ARHGAP15: variants seen among roughly 807,000 people sequenced by gnomAD.
ARHGAP15 encodes rho GTPase-activating protein 15.
ARHGAP15 carries 51 observed loss-of-function variants against 63.7 expected under a neutral mutation model. The observed-to-expected ratio is 0.80, with a 90% CI of 0.64 to 1.01. ARHGAP15 has a LOEUF of 1.01. Ranked by LOEUF, ARHGAP15 falls within the 50% of genes least tolerant of loss-of-function variation. The pLI is 0.00. For synonymous variants in ARHGAP15, 191 were observed against 193.8 expected, an observed-to-expected ratio of 0.99 and a Z score of 0.12; for missense variants, 560 against 564.6, an observed-to-expected ratio of 0.99 and a Z score of 0.08.
At chr2:143,514,517 A>T (rs1693721445) in intron 9 of ARHGAP15, among the ~76,000 whole-genome samples, 1 of 152,188 alleles carries the variant, frequency 6.6e-6, no homozygotes, top group South Asian at 2.1e-4. Flanking sequence ...TTTAGTTTCC[A>T]TGTCCTGCCA....
In ARHGAP15 at chr2:143,172,375, T is replaced by C. The variant is rs1042466178; in HGVS notation, c.165+16720T>C. Reference sequence around the variant, plus strand: ...CTACAAGGAGTTTAGATTTTATTATTTGATGCACAATCAGAGGCCACGAAA... The same window carrying C: ...CTACAAGGAGTTTAGATTTTATTATCTGATGCACAATCAGAGGCCACGAAA... On this transcript the variant is annotated intron_variant, in intron 2 of 13. Transcript: ENST00000295095. Among the ~76,000 whole-genome samples, 27 of 152,142 alleles carry C rather than the reference T, an allele frequency of 1.8e-4. 1 individual carries two copies. The highest frequency in any genetic ancestry group is 1.6e-3 in the Admixed American group (25 of 15,248).
intron 1 of ARHGAP15, among the ~76,000 whole-genome samples, chr2:143,147,618 T>C (rs954924457): frequency 2.0e-5 from 3 of 152,042 alleles, no homozygotes; most frequent in African/African-American, 7.2e-5. Flanking sequence ...CTTAACTTTA[T>C]TTTCCTTATG....
At chr2:143,682,694 A>C (rs914886565) in intron 12 of ARHGAP15, 14 of 152,188 alleles carry the variant, frequency 9.2e-5, no homozygotes, top group Admixed American at 7.2e-4. Context: ...CTACATGAAT[A>C]ATCCTTCAAT....
intron 12 of ARHGAP15, among the ~76,000 whole-genome samples, chr2:143,689,151 C>G (rs1447239764): frequency 6.6e-6 from 1 of 152,138 alleles, no homozygotes; most frequent in Non-Finnish European, 1.5e-5. Context: ...GAAAACTTCT[C>G]TGGTTTGTCA....
At chr2:143,305,797 AG>A (rs1683141024) in intron 6 of ARHGAP15, among the ~76,000 whole-genome samples, 1 of 152,118 alleles carries the variant, frequency 6.6e-6, no homozygotes, top group Non-Finnish European at 1.5e-5. Flanking sequence ...TCGGTGCTTT[AG>A]GAAAACTGGT....
chr2:143,457,466 T>G (rs1284702529), intron 8 of ARHGAP15, among the ~76,000 whole-genome samples: 3 of 151,794 alleles, frequency 2.0e-5, no homozygotes, highest in African/African-American at 7.3e-5. Context: ...CCCAGGAGTT[T>G]GAGGTTACAG....
chr2:143,574,627 G>A (rs1255745609), intron 11 of ARHGAP15, among the ~76,000 whole-genome samples: 1 of 152,094 alleles, frequency 6.6e-6, no homozygotes, highest in African/African-American at 2.4e-5. Context: ...TGGTTATGAC[G>A]AGCAGGGAGT....
intron 6 of ARHGAP15, among the ~76,000 whole-genome samples, chr2:143,303,933 T>C (rs1018797109): frequency 5.9e-5 from 9 of 152,070 alleles, no homozygotes; most frequent in Non-Finnish European, 1.3e-4. Flanking sequence ...AGAATGGTGA[T>C]CATTAAAAAG....
At chr2:143,619,653 A>T (rs180695059) in intron 11 of ARHGAP15, among the ~76,000 whole-genome samples, 5 of 152,272 alleles carry the variant, frequency 3.3e-5, no homozygotes, top group African/African-American at 9.6e-5. Flanking sequence ...GTAATCCCCA[A>T]TGTTGGGGGA....
In ARHGAP15 at chr2:143,155,800, T is replaced by C. The variant is rs1690054251; in HGVS notation, c.165+145T>C. ...TTGTAATGCATTTTATCTTGCATAC[T>C]TACAGTCATGATAATATCCCCAGTT... On this transcript the variant is annotated intron_variant, in intron 2 of 13. Coordinates refer to ENST00000295095, the MANE Select transcript of ARHGAP15 (RefSeq NM_018460.4). The C allele has an allele frequency of 1.4e-5, 11 of 784,738 alleles. 1 individual carries two copies. Among genetic ancestry groups the C allele is most frequent in the Non-Finnish European group, 7.8e-6 (4 of 511,490 alleles). 48.6% of individuals were successfully genotyped at this position (784,738 alleles called of 1,614,324 possible).
chr2:143,736,395 A>C (rs1482287940), intron 13 of ARHGAP15, among the ~76,000 whole-genome samples: 1 of 132,758 alleles, frequency 7.5e-6, no homozygotes, highest in African/African-American at 2.7e-5. Context: ...AAACTCTGTC[A>C]AAAAAAAAAA....
At chr2:143,289,469 G>A (rs1682280094) in intron 6 of ARHGAP15, among the ~76,000 whole-genome samples, 1 of 152,168 alleles carries the variant, frequency 6.6e-6, no homozygotes, top group South Asian at 2.1e-4. Flanking sequence ...TCCCTCATGT[G>A]AGTATTAAGT....
chr2:143,351,045 G>A (rs1685547050), intron 6 of ARHGAP15: 1 of 151,988 alleles, frequency 6.6e-6, no homozygotes, highest in South Asian at 2.1e-4. Context: ...AGGTCTTTAT[G>A]AGAGAAAACT....
chr2:143,405,481 C>T (rs1231696740), intron 6 of ARHGAP15, among the ~76,000 whole-genome samples: 1 of 151,768 alleles, frequency 6.6e-6, no homozygotes, highest in Non-Finnish European at 1.5e-5. Flanking sequence ...TTGTGCTCCC[C>T]TTTTCACATT....
At chr2:143,331,435 C>T (rs1684542643) in intron 6 of ARHGAP15, among the ~76,000 whole-genome samples, 1 of 152,088 alleles carries the variant, frequency 6.6e-6, no homozygotes, top group Non-Finnish European at 1.5e-5. Flanking sequence ...ACTAGACTGT[C>T]CACTTTTCAG....
At chr2:143,581,023 A>G (rs1394736702) in intron 11 of ARHGAP15, among the ~76,000 whole-genome samples, 1 of 152,158 alleles carries the variant, frequency 6.6e-6, no homozygotes, top group African/African-American at 2.4e-5. Context: ...CCCACTTAGC[A>G]GGTTCTATTT....
intron 10 of ARHGAP15, among the ~76,000 whole-genome samples, chr2:143,528,620 T>C (rs1003197438): frequency 2.0e-5 from 3 of 152,132 alleles, no homozygotes; most frequent in African/African-American, 7.2e-5. Flanking sequence ...TATCAAAAGC[T>C]CTGTAAAGAC....
chr2:143,453,028 A>T (rs557416815), intron 8 of ARHGAP15, among the ~76,000 whole-genome samples: 1 of 152,050 alleles, frequency 6.6e-6, no homozygotes, highest in African/African-American at 2.4e-5. Context: ...TAGATATGGT[A>T]AATACTTTAG....
intron 12 of ARHGAP15, among the ~76,000 whole-genome samples, chr2:143,651,627 T>G (rs907725595): frequency 6.6e-6 from 1 of 152,062 alleles, no homozygotes; most frequent in Non-Finnish European, 1.5e-5. Flanking sequence ...GATGTATATT[T>G]AACTTTAACT....
Sources: allele counts gnomAD v4.1 joint callset (sites outside exome capture counted in the v4.1 genomes callset), GRCh38; gene constraint gnomAD v4.1.1; transcripts MANE v1.5; gene names NCBI Gene and HGNC (gene_info 2026-07-23, HGNC 2026-07-21).